GKAP1: variants seen among roughly 807,000 people sequenced by gnomAD.
GKAP1 encodes the protein G kinase anchoring protein 1, also known as G kinase-anchoring protein 1.
GKAP1 carries 31 observed loss-of-function variants against 56.7 expected under a neutral mutation model. That is an observed-to-expected ratio of 0.55 (90% CI 0.41 to 0.74). The LOEUF (loss-of-function observed/expected upper bound fraction) is 0.74, where lower values mean the gene tolerates loss of function less well. GKAP1 is among the 30% of genes least tolerant of loss of function. The probability of loss-of-function intolerance (pLI) is 0.00; values close to 1 mark genes in which losing one functional copy is unlikely to be tolerated. For synonymous variants in GKAP1, 151 were observed against 138.6 expected, an observed-to-expected ratio of 1.09 and a Z score of -0.63; for missense variants, 364 against 402.3, an observed-to-expected ratio of 0.90 and a Z score of 0.82.
intron 2 of GKAP1, among the ~76,000 whole-genome samples, chr9:83,814,090 C>T (rs1024734370): frequency 2.0e-5 from 3 of 151,152 alleles, no homozygotes; most frequent in Non-Finnish European, 2.9e-5. Flanking sequence ...CAGCCTGAGA[C>T]CCTTTGTCAA....
chr9:83,804,624 G>C (rs1203016822), intron 3 of GKAP1, among the ~76,000 whole-genome samples: 2 of 140,932 alleles, frequency 1.4e-5, no homozygotes, highest in African/African-American at 2.7e-5. Flanking sequence ...AGGGAGGTGG[G>C]GGGGGTCAGC....
At chr9:83,807,566 C>T (rs1016191700) in intron 2 of GKAP1, among the ~76,000 whole-genome samples, 2 of 152,184 alleles carry the variant, frequency 1.3e-5, no homozygotes, top group African/African-American at 2.4e-5. Context: ...GTTAACAAAA[C>T]GTTAACTGAC....
intron 3 of GKAP1, 114 bp from the exon 4 acceptor site, chr9:83,799,442 G>A (rs959827072): frequency 8.6e-6 from 6 of 700,590 alleles, no homozygotes; most frequent in East Asian, 3.0e-5. Context: ...GAAACCACTC[G>A]TTTTGCTAAC....
At chr9:83,811,685 G>T (rs1303379762) in intron 2 of GKAP1, among the ~76,000 whole-genome samples, 1 of 152,114 alleles carries the variant, frequency 6.6e-6, no homozygotes, top group African/African-American at 2.4e-5. Flanking sequence ...TGGAAAGGGG[G>T]AAATGCCCCT....
At chr9:83,769,879 A>C (rs1433923973) in intron 7 of GKAP1, among the ~76,000 whole-genome samples, 4 of 152,168 alleles carry the variant, frequency 2.6e-5, no homozygotes, top group Non-Finnish European at 5.9e-5. Flanking sequence ...ACTTGTTGTT[A>C]TCTGCCTTTT....
intron 2 of GKAP1, 61 bp downstream of exon 2, chr9:83,816,935 C>G (rs968278796): frequency 5.3e-5 from 8 of 152,342 alleles, no homozygotes; most frequent in African/African-American, 1.9e-4. Flanking sequence ...AAAAAAATCA[C>G]TTTTCAATAG....
intron 4 of GKAP1, among the ~76,000 whole-genome samples, chr9:83,798,065 G>A (rs1277727603): frequency 6.6e-6 from 1 of 152,164 alleles, no homozygotes; most frequent in East Asian, 1.9e-4. Context: ...AATAATTAAT[G>A]CTCATAATCA....
chr9:83,799,107 G>A (rs1199479957), intron 4 of GKAP1, 78 bp downstream of exon 4: 11 of 1,217,942 alleles, frequency 9.0e-6, no homozygotes, highest in East Asian at 2.3e-5. Flanking sequence ...CAGTGGTGAC[G>A]TGAATTCAGA....
intron 9 of GKAP1, among the ~76,000 whole-genome samples, chr9:83,750,434 A>C (rs529764385): frequency 1.3e-5 from 2 of 152,312 alleles, no homozygotes; most frequent in South Asian, 4.1e-4. Context: ...CAAATCAGTC[A>C]AAGACGTGCT....
At chr9:83,814,427 A>G (rs1944554424) in intron 2 of GKAP1, among the ~76,000 whole-genome samples, 2 of 152,204 alleles carry the variant, frequency 1.3e-5, no homozygotes. Context: ...ATATCTATGA[A>G]GCGTTCTCTG....
At chr9:83,794,557 T>C (rs529134063) in intron 4 of GKAP1, among the ~76,000 whole-genome samples, 5 of 152,180 alleles carry the variant, frequency 3.3e-5, no homozygotes, top group Non-Finnish European at 7.3e-5. Context: ...ATTGTGCACA[T>C]ACTAACAGAC....
intron 7 of GKAP1, among the ~76,000 whole-genome samples, chr9:83,775,528 T>TG (rs1240354519): frequency 1.3e-5 from 2 of 152,072 alleles, no homozygotes; most frequent in African/African-American, 4.8e-5. Context: ...AACAACTTGA[T>TG]GGATGACAGA....
In GKAP1 at chr9:83,799,206, C is replaced by T. The variant is rs376397993; in HGVS notation, c.339G>A (p.Glu113=). The T allele has an allele frequency of 6.2e-7, 1 of 1,613,548 alleles. No homozygotes were observed. The highest frequency in any genetic ancestry group is 8.5e-7 in the Non-Finnish European group (1 of 1,179,792). The part of the protein sequence containing the change: ...QKDSREENWQ[E]WRQRDEQLTS... ...GTACCTGCTCATCTCTTTGTCTCCA[C>T]TCTTGCCAATTTTCTTCTCGTGAAT... Residue 113 remains glutamate, a synonymous_variant, in exon 4 of 13, where the codon GAG becomes GAA. Transcript: ENST00000376371.
At chr9:83,768,998 T>A in intron 7 of GKAP1, 28 bp from the exon 8 acceptor site, 1 of 1,584,692 alleles carries the variant, frequency 6.3e-7, no homozygotes, top group Non-Finnish European at 8.6e-7. Context: ...CGATTTACTA[T>A]CATTCAACAT....
intron 2 of GKAP1, among the ~76,000 whole-genome samples, chr9:83,815,524 G>A (rs1187842370): frequency 6.6e-6 from 1 of 151,928 alleles, no homozygotes; most frequent in Non-Finnish European, 1.5e-5. Flanking sequence ...AATCAAGACA[G>A]CAGCAGCCAT....
intron 4 of GKAP1, among the ~76,000 whole-genome samples, chr9:83,797,764 T>C (rs913849027): frequency 7.2e-5 from 11 of 152,234 alleles, no homozygotes; most frequent in Non-Finnish European, 1.3e-4. Context: ...CAAGTTCCCA[T>C]GTTGCATGGA....
chr9:83,808,212 C>A (rs1052416117), intron 2 of GKAP1, among the ~76,000 whole-genome samples: 4 of 152,162 alleles, frequency 2.6e-5, no homozygotes, highest in Admixed American at 2.6e-4. Context: ...TAAGTTACTA[C>A]AAACAAGAAA....
chr9:83,773,201 AT>A (rs1308228982), intron 7 of GKAP1, among the ~76,000 whole-genome samples: 5 of 152,230 alleles, frequency 3.3e-5, no homozygotes, highest in Non-Finnish European at 1.5e-5. Context: ...ATACGGCTGA[AT>A]TAACTACTGC....
intron 7 of GKAP1, among the ~76,000 whole-genome samples, chr9:83,776,385 A>C (rs933856061): frequency 6.6e-6 from 1 of 152,010 alleles, no homozygotes; most frequent in Non-Finnish European, 1.5e-5. Flanking sequence ...TTAATAACCT[A>C]AAAAAAAGAA....
Sources: allele counts gnomAD v4.1 joint callset (sites outside exome capture counted in the v4.1 genomes callset), GRCh38; gene constraint gnomAD v4.1.1; transcripts MANE v1.5; gene names NCBI Gene and HGNC (gene_info 2026-07-23, HGNC 2026-07-21).